The following PCDHA2 variants were observed in gnomAD, a reference collection of about 807,000 sequenced individuals.
The protein encoded by PCDHA2 is protocadherin alpha 2.
In PCDHA2, 58 loss-of-function variants were observed where a neutral mutation model predicts 66.0. The ratio of observed to expected loss-of-function variants is 0.88; its 90% CI spans 0.71 to 1.09. The LOEUF (loss-of-function observed/expected upper bound fraction) is 1.09, where lower values mean the gene tolerates loss of function less well. PCDHA2 is among the 50% of genes least tolerant of loss of function. The pLI, the probability that PCDHA2 is intolerant of heterozygous loss-of-function variation, is 0.00. For missense variants in PCDHA2, 1,267 were observed against 1,242.3 expected (o/e 1.02, Z -0.30); for synonymous variants, 634 against 554.0 (o/e 1.14, Z -2.03).
At chr5:140,992,914 C>T (rs1383362253) in intron 3 of PCDHA2, among the ~76,000 whole-genome samples, 1 of 152,220 alleles carries the variant, frequency 6.6e-6, no homozygotes, top group African/African-American at 2.4e-5. Context: ...CTTAGGCCCT[C>T]TCCATACTTA....
chr5:140,984,861 C>A (rs1163314869), intron 3 of PCDHA2, among the ~76,000 whole-genome samples: 1 of 151,870 alleles, frequency 6.6e-6, no homozygotes, highest in Non-Finnish European at 1.5e-5. Flanking sequence ...ATAATAACAC[C>A]TATTTTATTG....
intron 1 of PCDHA2, chr5:140,877,982 T>C (rs1320294784): frequency 1.6e-6 from 2 of 1,221,162 alleles, no homozygotes; most frequent in African/African-American, 3.1e-5. Context: ...CTTACTCATT[T>C]TGAACTTTTA....
intron 1 of PCDHA2, among the ~76,000 whole-genome samples, chr5:140,969,881 G>A (rs1554232131): frequency 6.6e-6 from 1 of 152,196 alleles, no homozygotes; most frequent in African/African-American, 2.4e-5. Context: ...CTATGTGATA[G>A]GATCCTCTGG....
chr5:140,809,587 T>G (rs1459606311), intron 1 of PCDHA2: 1 of 1,541,008 alleles, frequency 6.5e-7, no homozygotes, highest in African/African-American at 1.4e-5. Flanking sequence ...GTGTATAACA[T>G]CCTTTTGTTT....
At chr5:140,854,117 G>A (rs1311675249) in intron 1 of PCDHA2, 2 of 316,896 alleles carry the variant, frequency 6.3e-6, no homozygotes, top group African/African-American at 5.1e-5. Flanking sequence ...AACTGTGATG[G>A]CACAACTGCA....
chr5:140,841,885 G>C (rs2150324724), intron 1 of PCDHA2: 2 of 1,613,802 alleles, frequency 1.2e-6, no homozygotes, highest in Non-Finnish European at 1.7e-6. Context: ...AGAACGATGA[G>C]AATAAACTGG....
chr5:140,949,630 T>C (rs549897729), intron 1 of PCDHA2, among the ~76,000 whole-genome samples: 2 of 152,016 alleles, frequency 1.3e-5, no homozygotes, highest in South Asian at 4.1e-4. Flanking sequence ...TTTCATGGCA[T>C]ATTGCTTTTT....
At position 140,848,597 on chromosome 5, in the gene PCDHA2, C is replaced by T. The variant is rs151001396; in HGVS notation, c.2388+51245C>T. ...TGGGGAGCGGCCAGCTCCACTACTC[C>T]GTCCCGGAGGAAGCCGAACACGGCA... is the stretch of plus-strand genomic sequence containing the variant. On this transcript the variant is annotated intron_variant, in intron 1 of 3. Coordinates refer to ENST00000526136, the MANE Select transcript of PCDHA2 (RefSeq NM_018905.3). The T allele has an allele frequency of 5.0e-6, 8 of 1,591,350 alleles. 1 individual carries two copies. The African/African-American group carries it at 6.7e-5, about 13-fold the overall frequency.
intron 1 of PCDHA2, chr5:140,877,359 C>T: frequency 1.2e-6 from 2 of 1,614,010 alleles, no homozygotes; most frequent in South Asian, 1.1e-5. Context: ...TGTACACTGG[C>T]GAGATCAGCA....
Position 140,850,482 on chromosome 5 carries a change from G to T in PCDHA2, c.2388+53130G>T, listed in dbSNP as rs2150486061. On this transcript the variant is annotated intron_variant, in intron 1 of 3. Coordinates refer to ENST00000526136, the MANE Select transcript of PCDHA2 (RefSeq NM_018905.3). ...CGGGGAGCCAGCGCTGACGGCCACG[G>T]CCACTGTGCTGGTGTCGCTGGTGGA... 5 of 1,598,110 alleles carry T rather than the reference G, an allele frequency of 3.1e-6. No homozygotes were observed. The South Asian group carries it at 5.5e-5, about 18-fold the overall frequency.
intron 1 of PCDHA2, chr5:140,870,532 T>A: frequency 1.2e-6 from 2 of 1,614,184 alleles, no homozygotes; most frequent in Non-Finnish European, 1.7e-6. Flanking sequence ...CTTCACAGTG[T>A]CGGCGCGGGA....
At chr5:140,993,538 A>T (rs1175611433) in intron 3 of PCDHA2, among the ~76,000 whole-genome samples, 1 of 151,668 alleles carries the variant, frequency 6.6e-6, no homozygotes, top group Non-Finnish European at 1.5e-5. Context: ...AGAGAGAGAG[A>T]TAGAGAAGTG....
At chr5:141,000,410 TATATATATATA>T (rs1554257433) in intron 3 of PCDHA2, among the ~76,000 whole-genome samples, 1 of 101,972 alleles carries the variant, frequency 9.8e-6, no homozygotes, top group Non-Finnish European at 2.0e-5. Context: ...TATATATATA[TATATATATATA>T]TTTTTTTTTT....
chr5:140,843,527 A>G (rs1554140180), intron 1 of PCDHA2: 2 of 1,595,944 alleles, frequency 1.3e-6, no homozygotes, highest in East Asian at 4.5e-5. Context: ...CCGGGCGGGC[A>G]AGCCCACTCT....
At chr5:140,928,381 T>C (rs1554205835) in intron 1 of PCDHA2, 2 of 1,614,054 alleles carry the variant, frequency 1.2e-6, no homozygotes, top group African/African-American at 2.7e-5. Flanking sequence ...AGCCTCTAGC[T>C]TGCTGGCAGT....
chr5:140,909,493 G>A (rs989826667), intron 1 of PCDHA2, among the ~76,000 whole-genome samples: 2 of 152,184 alleles, frequency 1.3e-5, no homozygotes, highest in African/African-American at 4.8e-5. Context: ...AGAGCTGAAC[G>A]GGGATGTGGT....
rs1554262965 is a variant in PCDHA2 at position 141,010,497 on chromosome 5, T to A, written c.*560T>A. Reference sequence around the variant, plus strand: ...AAGTGTAAACTTAAAGGGACCAGACTTTCTAAATCTTACAACTCAAGAGGT... The same window carrying A: ...AAGTGTAAACTTAAAGGGACCAGACATTCTAAATCTTACAACTCAAGAGGT... On this transcript the variant is annotated 3_prime_UTR_variant, in exon 4 of 4. Coordinates refer to ENST00000526136, the MANE Select transcript of PCDHA2 (RefSeq NM_018905.3). The A allele has an allele frequency of 1.7e-6, 1 of 584,358 alleles. No homozygotes were observed. Among genetic ancestry groups the A allele is most frequent in the African/African-American group, 1.9e-5 (1 of 53,100 alleles). 36.2% of individuals were successfully genotyped at this position (584,358 alleles called of 1,614,324 possible).
At chr5:140,838,648 A>G (rs1026164992) in intron 1 of PCDHA2, among the ~76,000 whole-genome samples, 1 of 152,158 alleles carries the variant, frequency 6.6e-6, no homozygotes, top group East Asian at 1.9e-4. Context: ...CAAAAAAATG[A>G]TAGTTAACGG....
At chr5:140,882,252 G>C (rs782433822) in intron 1 of PCDHA2, 1 of 1,597,600 alleles carries the variant, frequency 6.3e-7, no homozygotes, top group Non-Finnish European at 8.5e-7. Context: ...ATAGCTCTGA[G>C]GTTTTTGGAG....
Sources: gnomAD v4.1 joint callset for allele counts (sites outside exome capture counted in the v4.1 genomes callset) on GRCh38, gnomAD v4.1.1 for gene constraint, MANE v1.5 for transcripts, NCBI Gene and HGNC (gene_info 2026-07-23, HGNC 2026-07-21) for gene names.